ZNF600: variants seen among roughly 807,000 people sequenced by gnomAD.
ZNF600 encodes the protein zinc finger protein KR-ZNF1.
ZNF600 carries 4 observed loss-of-function variants against 7.3 expected under a neutral mutation model. That is an observed-to-expected ratio of 0.55 (90% CI 0.27 to 1.25). The LOEUF (loss-of-function observed/expected upper bound fraction) is 1.25, where lower values mean the gene tolerates loss of function less well. Ranked by LOEUF, ZNF600 falls within the 50% of genes most tolerant of loss-of-function variation. ZNF600 has a pLI of 0.12. For synonymous variants in ZNF600, 290 were observed against 308.9 expected (o/e 0.94, Z 0.64); for missense variants, 911 against 922.1 (o/e 0.99, Z 0.16).
In ZNF600 at chr19:52,765,428, T is replaced by C. The variant is rs1040468682; in HGVS notation, c.*159A>G. The C allele has an allele frequency of 1.3e-5, 15 of 1,154,232 alleles. No individual in the cohort carries two copies. In the African/African-American group the frequency reaches 1.8e-4, roughly 14 times the overall value. 71.5% of individuals were successfully genotyped at this position (1,154,232 alleles called of 1,614,324 possible). On this transcript the variant is annotated 3_prime_UTR_variant, in exon 4 of 4. Transcript: ENST00000648973. The stretch of plus-strand genomic sequence containing the variant: ...TGCCACAGTCATGACATTTGTAAGG[T>C]TTCTCTCCAGTATGAGTGTGTCAAT...
the ZNF600 span, among the ~76,000 whole-genome samples, chr19:52,822,668 G>C: frequency 4.6e-5 from 7 of 152,266 alleles, no homozygotes; most frequent in Non-Finnish European, 8.8e-5. Flanking sequence ...GTCGCACATA[G>C]TTCATCCTGG....
chr19:52,824,529 A>G, the ZNF600 span, among the ~76,000 whole-genome samples: 1 of 152,088 alleles, frequency 6.6e-6, no homozygotes, highest in African/African-American at 2.4e-5. Flanking sequence ...CAGATACTCA[A>G]GAGGATGAGA....
chr19:52,778,733 A>C, intron 2 of ZNF600, 93 bp downstream of exon 4: 1 of 1,499,028 alleles, frequency 6.7e-7, no homozygotes, highest in South Asian at 1.3e-5. Context: ...TGTCAGGCAA[A>C]ATTCTTCAAA....
At chr19:52,800,194 A>G in the ZNF600 span, 1 of 1,613,346 alleles carries the variant, frequency 6.2e-7, no homozygotes, top group East Asian at 2.2e-5. Flanking sequence ...TCACATTTGT[A>G]CGGTTTCTCT....
chr19:52,797,121 T>C, the ZNF600 span, among the ~76,000 whole-genome samples: 1 of 152,158 alleles, frequency 6.6e-6, no homozygotes, highest in African/African-American at 2.4e-5. Flanking sequence ...TTGAACATAA[T>C]GAAAGATGAA....
At chr19:52,800,458 C>T in the ZNF600 span, 3 of 1,613,546 alleles carry the variant, frequency 1.9e-6, no homozygotes, top group Non-Finnish European at 2.5e-6. Context: ...GGTTTCTCTG[C>T]AGTATGAAGT....
At chr19:52,813,962 G>T in the ZNF600 span, among the ~76,000 whole-genome samples, 3,728 of 146,302 alleles carry the variant, frequency 0.025, 699 homozygotes, top group African/African-American at 0.093. Context: ...TCCAGGGGTG[G>T]GAATTTTTTT....
At chr19:52,811,240 T>A in the ZNF600 span, among the ~76,000 whole-genome samples, 137 of 151,588 alleles carry the variant, frequency 9.0e-4, 4 homozygotes, top group East Asian at 7.8e-4. Flanking sequence ...CTCGGCTCAC[T>A]ACAACCTCCA....
the ZNF600 span, among the ~76,000 whole-genome samples, chr19:52,829,664 G>T: frequency 6.6e-6 from 1 of 151,978 alleles, no homozygotes. Context: ...TTGAGCCACC[G>T]CACCCGGCCA....
chr19:52,800,865 T>C, the ZNF600 span: 2 of 1,614,098 alleles, frequency 1.2e-6, no homozygotes, highest in Non-Finnish European at 1.7e-6. Flanking sequence ...CTTACATTTG[T>C]ATGGTTTCCC....
intron 1 of ZNF600, among the ~76,000 whole-genome samples, chr19:52,783,159 A>G (rs1039340896): frequency 1.3e-5 from 2 of 151,778 alleles, no homozygotes; most frequent in Admixed American, 1.3e-4. Context: ...TGACGCCATC[A>G]TTATAAAATG....
At chr19:52,800,906 G>T in the ZNF600 span, 1 of 1,613,598 alleles carries the variant, frequency 6.2e-7, no homozygotes, top group Non-Finnish European at 8.5e-7. Context: ...GTGTTTCAAG[G>T]TGTGATTTGC....
chr19:52,772,044 G>C (rs2062634113), intron 3 of ZNF600, among the ~76,000 whole-genome samples: 1 of 152,198 alleles, frequency 6.6e-6, no homozygotes, highest in Admixed American at 6.5e-5. Flanking sequence ...AAACTTATAT[G>C]AAGCCATCTA....
At chr19:52,795,747 G>A in the ZNF600 span, among the ~76,000 whole-genome samples, 1 of 151,982 alleles carries the variant, frequency 6.6e-6, no homozygotes, top group African/African-American at 2.4e-5. Context: ...CTATATTTTA[G>A]TCAAGACGAG....
At chr19:52,801,764 G>T in the ZNF600 span, 2 of 1,420,066 alleles carry the variant, frequency 1.4e-6, no homozygotes, top group East Asian at 2.3e-5. Flanking sequence ...ATACTGAAAT[G>T]TGTAAATATG....
At chr19:52,831,175 G>A in the ZNF600 span, among the ~76,000 whole-genome samples, 2 of 152,316 alleles carry the variant, frequency 1.3e-5, no homozygotes, top group African/African-American at 4.8e-5. Context: ...TACGAGGAGT[G>A]CAGCAATGAA....
the ZNF600 span, chr19:52,805,526 C>G: frequency 6.6e-6 from 1 of 151,868 alleles, no homozygotes; most frequent in African/African-American, 2.4e-5. Flanking sequence ...ACTCGGGAGG[C>G]TGAGGAAGGA....
the ZNF600 span, among the ~76,000 whole-genome samples, chr19:52,804,563 G>A: frequency 1.3e-5 from 2 of 152,144 alleles, no homozygotes; most frequent in Non-Finnish European, 2.9e-5. Flanking sequence ...TAGAGACAGG[G>A]TTTCACCATA....
chr19:52,766,546 G>GTCTTA lies in ZNF600; in HGVS notation c.1412_1416dup (p.His473Ter). On this transcript the variant is annotated stop_gained and frameshift_variant, in exon 4 of 4. Coordinates refer to ENST00000648973, the Ensembl canonical transcript of ZNF600. LOFTEE classifies it low-confidence loss of function (END_TRUNC). ...TTTCCTCCACTATGAATTCTAGTATGTCTTACCAGGTGTGAATTCCACGCA... is the reference window on the plus strand; with the variant it reads ...TTTCCTCCACTATGAATTCTAGTATGTCTTATCTTACCAGGTGTGAATTCCACGCA... 6.2e-7 allele frequency: 1 copy of GTCTTA among 1,614,082 alleles called. No individual in the cohort carries two copies. The highest frequency in any genetic ancestry group is 1.1e-5 in the South Asian group (1 of 91,080).
Sources: gnomAD v4.1 joint callset for allele counts (sites outside exome capture counted in the v4.1 genomes callset) on GRCh38, gnomAD v4.1.1 for gene constraint, MANE v1.5 for transcripts, NCBI Gene and HGNC (gene_info 2026-07-23, HGNC 2026-07-21) for gene names.